Variants in NALCN observed in about 807,000 individuals in gnomAD.
NALCN encodes sodium leak channel NALCN.
A neutral mutation model predicts 225.3 loss-of-function variants in NALCN; 111 were observed. The observed-to-expected ratio is 0.49, with a 90% CI of 0.42 to 0.58. NALCN has a LOEUF of 0.58. Ranked by LOEUF, NALCN falls within the 20% of genes least tolerant of loss-of-function variation. The pLI is 0.00. For synonymous variants in NALCN, 764 were observed against 769.0 expected, an observed-to-expected ratio of 0.99 and a Z score of 0.11; for missense variants, 1,378 against 2,202.4, an observed-to-expected ratio of 0.63 and a Z score of 7.49.
chr13:101,140,615 G>A (rs938355104), intron 17 of NALCN, among the ~76,000 whole-genome samples: 90 of 152,314 alleles, frequency 5.9e-4, no homozygotes, highest in African/African-American at 1.8e-3. Context: ...TCTAGTCCAC[G>A]CAAACTGCAA....
At chr13:101,344,959 C>T (rs950723707) in intron 7 of NALCN, among the ~76,000 whole-genome samples, 2 of 152,128 alleles carry the variant, frequency 1.3e-5, no homozygotes, top group Non-Finnish European at 2.9e-5. Context: ...GAGTCAACAA[C>T]CCAGAACCCT....
intron 18 of NALCN, 99 bp from the exon 19 acceptor site, chr13:101,111,325 C>A: frequency 2.1e-6 from 2 of 969,608 alleles, no homozygotes; most frequent in Non-Finnish European, 2.9e-6. Context: ...AAAGGCAACA[C>A]CAATGAAAAC....
intron 15 of NALCN, among the ~76,000 whole-genome samples, chr13:101,156,218 CTTCT>C (rs369936222): frequency 6.7e-4 from 101 of 151,870 alleles, no homozygotes; most frequent in Middle Eastern, 3.4e-3. Context: ...CTTTTTAGCT[CTTCT>C]TTATTTTCTG....
At chr13:101,212,385 A>G (rs886958411) in intron 13 of NALCN, among the ~76,000 whole-genome samples, 3 of 152,152 alleles carry the variant, frequency 2.0e-5, no homozygotes, top group African/African-American at 7.2e-5. Flanking sequence ...AACTGAGTAC[A>G]TCTATTGTAG....
intron 15 of NALCN, among the ~76,000 whole-genome samples, chr13:101,170,284 A>G (rs986354808): frequency 1.3e-5 from 2 of 152,200 alleles, no homozygotes; most frequent in African/African-American, 2.4e-5. Flanking sequence ...TCCTCAGGGC[A>G]GGAGAAGGTT....
intron 7 of NALCN, 122 bp downstream of exon 7, chr13:101,345,144 T>C: frequency 9.7e-7 from 1 of 1,028,786 alleles, no homozygotes; most frequent in Non-Finnish European, 1.4e-6. Flanking sequence ...TTAAAATTTA[T>C]ATTTGTATTT....
chr13:101,192,904 G>C (rs1433477004), intron 13 of NALCN, among the ~76,000 whole-genome samples: 1 of 152,050 alleles, frequency 6.6e-6, no homozygotes, highest in African/African-American at 2.4e-5. Flanking sequence ...TGCCCCACTG[G>C]AGTCTAGTGA....
chr13:101,326,923 G>T (rs1261483539), intron 7 of NALCN, among the ~76,000 whole-genome samples: 1 of 152,090 alleles, frequency 6.6e-6, no homozygotes, highest in Non-Finnish European at 1.5e-5. Flanking sequence ...GCTAGACTGG[G>T]CTTCTCTCCA....
At chr13:101,099,431 T>C (rs944623882) in intron 27 of NALCN, among the ~76,000 whole-genome samples, 1 of 152,092 alleles carries the variant, frequency 6.6e-6, no homozygotes, top group African/African-American at 2.4e-5. Context: ...AAATCTATAC[T>C]AGATAGCCAT....
At chr13:101,309,659 T>G (rs1388923177) in intron 7 of NALCN, among the ~76,000 whole-genome samples, 1 of 152,242 alleles carries the variant, frequency 6.6e-6, no homozygotes, top group Non-Finnish European at 1.5e-5. Context: ...TTTGCAAATT[T>G]GATCATTTTA....
At chr13:101,221,761 G>A (rs2040950049) in intron 13 of NALCN, among the ~76,000 whole-genome samples, 1 of 152,102 alleles carries the variant, frequency 6.6e-6, no homozygotes, top group South Asian at 2.1e-4. Context: ...TCATACCTAG[G>A]ACTGATCATA....
intron 13 of NALCN, among the ~76,000 whole-genome samples, chr13:101,196,293 A>T (rs2039887696): frequency 6.6e-6 from 1 of 152,168 alleles, no homozygotes; most frequent in Non-Finnish European, 1.5e-5. Context: ...ATTCTCACAC[A>T]TTACACTTAT....
chr13:101,126,903 A>G (rs1199234626), intron 17 of NALCN, among the ~76,000 whole-genome samples: 1 of 152,182 alleles, frequency 6.6e-6, no homozygotes, highest in Non-Finnish European at 1.5e-5. Context: ...TGGCCCCATC[A>G]TCGTGGAGCA....
chr13:101,297,249 A>C (rs2043790542), intron 7 of NALCN, among the ~76,000 whole-genome samples: 1 of 152,192 alleles, frequency 6.6e-6, no homozygotes, highest in Non-Finnish European at 1.5e-5. Context: ...CCAAACACAA[A>C]ATACCTATAG....
At chr13:101,266,626 C>A (rs1404277274) in intron 10 of NALCN, among the ~76,000 whole-genome samples, 2 of 152,168 alleles carry the variant, frequency 1.3e-5, no homozygotes, top group East Asian at 3.9e-4. Context: ...CTGAATACTG[C>A]ATCAGCCATG....
At chr13:101,346,890 C>G (rs1338078496) in intron 6 of NALCN, among the ~76,000 whole-genome samples, 2 of 152,138 alleles carry the variant, frequency 1.3e-5, no homozygotes, top group African/African-American at 4.8e-5. Context: ...TTGTGTTACA[C>G]TAATTTCCCA....
chr13:101,281,343 G>C (rs2043161619), intron 10 of NALCN, among the ~76,000 whole-genome samples: 1 of 152,150 alleles, frequency 6.6e-6, no homozygotes, highest in Admixed American at 6.5e-5. Context: ...TATGAGTGTG[G>C]AGACTGTGCA....
intron 28 of NALCN, among the ~76,000 whole-genome samples, chr13:101,094,560 T>C (rs1404036097): frequency 3.9e-5 from 6 of 152,130 alleles, no homozygotes; most frequent in Non-Finnish European, 8.8e-5. Context: ...TCAATGGAAA[T>C]TGGACGGCTT....
chr13:101,166,039 G>A (rs1306743391), intron 15 of NALCN, among the ~76,000 whole-genome samples: 1 of 152,158 alleles, frequency 6.6e-6, no homozygotes, highest in African/African-American at 2.4e-5. Flanking sequence ...TTAGCATGAT[G>A]TCCTCAAGGT....
Sources: gnomAD v4.1 joint callset for allele counts (sites outside exome capture counted in the v4.1 genomes callset) on GRCh38, gnomAD v4.1.1 for gene constraint, MANE v1.5 for transcripts, NCBI Gene and HGNC (gene_info 2026-07-23, HGNC 2026-07-21) for gene names.